Variants in KIAA1549L observed in about 807,000 individuals in gnomAD.
The protein encoded by KIAA1549L is KIAA1549 like.
KIAA1549L carries 88 observed loss-of-function variants against 160.7 expected under a neutral mutation model. The observed-to-expected ratio is 0.55, with a 90% CI of 0.46 to 0.65. The LOEUF (loss-of-function observed/expected upper bound fraction) is 0.65, where lower values mean the gene tolerates loss of function less well. Among genes scored for constraint, KIAA1549L ranks in the 30% least tolerant of loss-of-function variants. KIAA1549L has a pLI of 0.00. For missense variants in KIAA1549L, 2,258 were observed against 2,437.5 expected (o/e 0.93, Z 1.55); for synonymous variants, 950 against 976.7 (o/e 0.97, Z 0.51).
chr11:33,460,907 C>T (rs944770916), intron 1 of KIAA1549L, among the ~76,000 whole-genome samples: 2 of 152,106 alleles, frequency 1.3e-5, no homozygotes, highest in African/African-American at 4.8e-5. Flanking sequence ...GCAAAACGTT[C>T]TGGGAGGCAG....
At chr11:33,456,124 T>C (rs1264781663) in intron 1 of KIAA1549L, among the ~76,000 whole-genome samples, 2 of 152,164 alleles carry the variant, frequency 1.3e-5, no homozygotes, top group Admixed American at 1.3e-4. Context: ...TATATGTGGA[T>C]TTAAAATGAA....
chr11:33,401,809 T>A (rs930101438), intron 1 of KIAA1549L, among the ~76,000 whole-genome samples: 1 of 152,078 alleles, frequency 6.6e-6, no homozygotes, highest in Admixed American at 6.6e-5. Context: ...GCCATGGCGC[T>A]CTAGAAAGTT....
intron 16 of KIAA1549L, among the ~76,000 whole-genome samples, chr11:33,620,343 T>A (rs1850924340): frequency 6.6e-6 from 1 of 152,198 alleles, no homozygotes; most frequent in Non-Finnish European, 1.5e-5. Flanking sequence ...CTTTGAGAAG[T>A]GCATGTGATC....
chr11:33,501,168 C>G lies in KIAA1549L; in HGVS notation c.239-40634C>G, dbSNP rs1410300212. On this transcript the variant is annotated intron_variant, in intron 1 of 20. Transcript: ENST00000658780. ...AAGGCGACTGAAGCTATTGGAAAGG[C>G]CTATTTGCCTACAGAAATTTCCAGG... 3.3e-5 allele frequency among the ~76,000 whole-genome samples: 5 copies of G among 152,180 alleles called. No individual in the cohort carries two copies. In the East Asian group the frequency reaches 9.6e-4, roughly 29 times the overall value.
At chr11:33,398,950 G>GTTTTTTTTTTTT (rs71034680) in intron 1 of KIAA1549L, among the ~76,000 whole-genome samples, 1 of 140,012 alleles carries the variant, frequency 7.1e-6, no homozygotes. Flanking sequence ...TCCAGTGAGT[G>GTTTTTTTTTTTT]TTTTTTTTTT....
chr11:33,667,763 T>C, intron 20 of KIAA1549L, 110 bp from the exon 21 acceptor site: 1 of 893,814 alleles, frequency 1.1e-6, no homozygotes, highest in South Asian at 1.7e-5. Context: ...TTCTTCTAAG[T>C]TCTCTTCCAT....
rs1002396860 is a variant in KIAA1549L, at chr11:33,618,392, A to G, written c.5280-141A>G. 2.3e-5 allele frequency: 15 copies of G among 656,042 alleles called. No homozygotes were observed. In the African/African-American group the frequency reaches 2.8e-4, roughly 12 times the overall value. 40.6% of individuals were successfully genotyped at this position (656,042 alleles called of 1,614,324 possible). ...TTTCACTCTTTCTACAGCCCCTTAT[A>G]TCCTGGGAATAAATGCCATCAATTC... On this transcript the variant is annotated intron_variant, in intron 15 of 20. Coordinates refer to ENST00000658780, the MANE Select transcript of KIAA1549L (RefSeq NM_012194.3).
intron 1 of KIAA1549L, among the ~76,000 whole-genome samples, chr11:33,456,454 A>G (rs1012493272): frequency 2.0e-5 from 3 of 151,990 alleles, no homozygotes; most frequent in Non-Finnish European, 4.4e-5. Context: ...TCTATCACCT[A>G]GTCTGGGGTA....
intron 7 of KIAA1549L, 133 bp downstream of exon 7, chr11:33,560,044 A>T: frequency 1.2e-6 from 1 of 844,246 alleles, no homozygotes; most frequent in Non-Finnish European, 1.9e-6. Flanking sequence ...GTGATGGATT[A>T]AGGTGACAGC....
chr11:33,642,507 G>A (rs900975919), intron 16 of KIAA1549L, among the ~76,000 whole-genome samples: 4 of 151,390 alleles, frequency 2.6e-5, no homozygotes, highest in Non-Finnish European at 5.9e-5. Flanking sequence ...CTCTGCTGCT[G>A]TATCGTTCCC....
intron 15 of KIAA1549L, among the ~76,000 whole-genome samples, chr11:33,617,133 CAAA>C (rs59233344): frequency 3.4e-5 from 3 of 89,538 alleles, no homozygotes; most frequent in Non-Finnish European, 4.9e-5. Flanking sequence ...GAGATTCTAT[CAAA>C]AAAAAAAAAA....
chr11:33,543,601 G>T lies in KIAA1549L; in HGVS notation c.2038G>T (p.Asp680Tyr). ...ATCGCCCTCCTCCATGGATGTATAT[G>T]ATTCCTTAACAATAGGAGACATGAA... ...RASPSSMDVY[D>Y]SLTIGDMKKP... The change falls in exon 2 of 21, where the codon GAT (aspartate) becomes TAT (tyrosine). Residue 680 changes from aspartate to tyrosine, a missense_variant. By Grantham distance (160) the Asp-to-Tyr change is radical (BLOSUM62 -3). Transcript: ENST00000658780. 6.2e-7 allele frequency: 1 copy of T among 1,613,964 alleles called. No homozygotes were observed. Among genetic ancestry groups the T allele is most frequent in the South Asian group, 1.1e-5 (1 of 91,078 alleles).
intron 18 of KIAA1549L, among the ~76,000 whole-genome samples, chr11:33,658,210 T>A (rs1319477454): frequency 6.6e-6 from 1 of 152,178 alleles, no homozygotes; most frequent in Non-Finnish European, 1.5e-5. Context: ...TCTGTTAGAA[T>A]GTCCACTGCT....
intron 13 of KIAA1549L, among the ~76,000 whole-genome samples, chr11:33,604,987 C>A (rs1268807943): frequency 6.6e-6 from 1 of 152,078 alleles, no homozygotes; most frequent in Non-Finnish European, 1.5e-5. Flanking sequence ...AAAATAAAGT[C>A]TTGACTGGGG....
At chr11:33,506,001 C>T (rs986069077) in intron 1 of KIAA1549L, among the ~76,000 whole-genome samples, 1 of 152,148 alleles carries the variant, frequency 6.6e-6, no homozygotes, top group Non-Finnish European at 1.5e-5. Flanking sequence ...TGTGAGTTGT[C>T]ATTATCCCCA....
chr11:33,401,296 AAATATAT>A (rs1850495687), intron 1 of KIAA1549L, among the ~76,000 whole-genome samples: 1 of 148,004 alleles, frequency 6.8e-6, no homozygotes, highest in African/African-American at 2.5e-5. Context: ...TTTATATATA[AAATATAT>A]AATAGATATA....
intron 15 of KIAA1549L, 131 bp downstream of exon 15, chr11:33,610,097 C>T (rs1850611626): frequency 1.5e-6 from 1 of 675,888 alleles, no homozygotes; most frequent in Admixed American, 2.4e-5. Flanking sequence ...TGATTTGTAC[C>T]ACGCTGGTCT....
intron 1 of KIAA1549L, among the ~76,000 whole-genome samples, chr11:33,419,945 G>C (rs1246133725): frequency 2.0e-5 from 3 of 152,122 alleles, no homozygotes; most frequent in African/African-American, 7.2e-5. Flanking sequence ...TCAGCAGGAA[G>C]TGTTCAAAGA....
At chr11:33,651,119 T>A (rs1047662988) in intron 17 of KIAA1549L, among the ~76,000 whole-genome samples, 6 of 152,230 alleles carry the variant, frequency 3.9e-5, no homozygotes, top group African/African-American at 1.4e-4. Context: ...GTTTATGGCA[T>A]CAAACTGAGT....
Sources: gnomAD v4.1 joint callset for allele counts (sites outside exome capture counted in the v4.1 genomes callset) on GRCh38, gnomAD v4.1.1 for gene constraint, MANE v1.5 for transcripts, NCBI Gene and HGNC (gene_info 2026-07-23, HGNC 2026-07-21) for gene names.